The following WNT7A variants were observed in gnomAD, a reference collection of about 807,000 sequenced individuals.
WNT7A encodes Wnt family member 7A.
A neutral mutation model predicts 28.2 loss-of-function variants in WNT7A; 16 were observed. The observed-to-expected ratio is 0.57, with a 90% confidence interval of 0.38 to 0.86. WNT7A has a LOEUF of 0.86. Ranked by LOEUF, WNT7A falls within the 40% of genes least tolerant of loss-of-function variation. WNT7A has a pLI of 0.00. For synonymous variants in WNT7A, 190 were observed against 195.9 expected (o/e 0.97, Z 0.25); for missense variants, 411 against 489.7 (o/e 0.84, Z 1.52).
chr3:13,879,618 G>T, intron 1 of WNT7A, 128 bp downstream of exon 1: 3 of 1,048,012 alleles, frequency 2.9e-6, no homozygotes, highest in Non-Finnish European at 4.2e-6. Flanking sequence ...CTCCCACACC[G>T]CACCCACCCG....
chr3:13,847,912 G>A (rs1309919290), intron 3 of WNT7A, among the ~76,000 whole-genome samples: 1 of 152,192 alleles, frequency 6.6e-6, no homozygotes. Context: ...ACAACAGTGA[G>A]AGTGTGCTTG....
chr3:13,825,261 C>T (rs1409000748), intron 3 of WNT7A, among the ~76,000 whole-genome samples: 1 of 152,178 alleles, frequency 6.6e-6, no homozygotes, highest in East Asian at 1.9e-4. Flanking sequence ...AAGTCAGCTC[C>T]TCACAAAGCC....
At chr3:13,847,621 A>G (rs1217914422) in intron 3 of WNT7A, among the ~76,000 whole-genome samples, 1 of 152,240 alleles carries the variant, frequency 6.6e-6, no homozygotes, top group African/African-American at 2.4e-5. Context: ...ACGAAACCTG[A>G]CCTAAACTTA....
At chr3:13,854,989 C>T (rs1694706646) in intron 2 of WNT7A, among the ~76,000 whole-genome samples, 186 bp from the exon 3 acceptor site, 1 of 152,230 alleles carries the variant, frequency 6.6e-6, no homozygotes, top group Non-Finnish European at 1.5e-5. Flanking sequence ...TCCCATTACA[C>T]ACACATCCAT....
At chr3:13,860,341 G>A (rs1694809161) in intron 2 of WNT7A, among the ~76,000 whole-genome samples, 1 of 152,194 alleles carries the variant, frequency 6.6e-6, no homozygotes, top group Admixed American at 6.5e-5. Context: ...GCCCACCAGT[G>A]CATGGAAACC....
At chr3:13,859,850 C>T (rs370262168) in intron 2 of WNT7A, among the ~76,000 whole-genome samples, 2 of 152,200 alleles carry the variant, frequency 1.3e-5, no homozygotes, top group East Asian at 3.9e-4. Context: ...GAAGAGAATG[C>T]CCATCTATTC....
chr3:13,860,609 A>C (rs1694813198), intron 2 of WNT7A, among the ~76,000 whole-genome samples: 1 of 152,076 alleles, frequency 6.6e-6, no homozygotes, highest in Non-Finnish European at 1.5e-5. Context: ...AGATAGGGAA[A>C]CTGAGGCTTG....
intron 3 of WNT7A, among the ~76,000 whole-genome samples, chr3:13,829,992 T>C (rs1009439584): frequency 6.6e-6 from 1 of 152,182 alleles, no homozygotes; most frequent in Admixed American, 6.5e-5. Context: ...ATGTCTGTGC[T>C]GCTGCTGCCT....
In WNT7A at chr3:13,818,363, A is replaced by G. The variant is rs1345073104; in HGVS notation, c.*581T>C. 1 of 150,670 alleles carries G rather than the reference A, an allele frequency of 6.6e-6. No homozygotes were observed. The highest frequency in any genetic ancestry group is 1.5e-5 in the Non-Finnish European group (1 of 67,648). The allele number at this position is 150,670 out of a possible 1,614,324, so 9.3% of individuals were successfully genotyped here. ...TAGCAGCAAACAGCAAAAAAAAAAA[A>G]AAAAATGTGTGTGTGTATATCTATA... On this transcript the variant is annotated 3_prime_UTR_variant, in exon 4 of 4. Transcript: ENST00000285018.
intron 3 of WNT7A, among the ~76,000 whole-genome samples, chr3:13,852,200 C>T (rs1241671193): frequency 6.6e-6 from 1 of 152,184 alleles, no homozygotes; most frequent in Non-Finnish European, 1.5e-5. Flanking sequence ...CATGGTGCAC[C>T]CCCCCACCCC....
intron 3 of WNT7A, among the ~76,000 whole-genome samples, chr3:13,851,079 TCTC>T (rs1694629942): frequency 6.6e-6 from 1 of 151,948 alleles, no homozygotes; most frequent in African/African-American, 2.4e-5. Flanking sequence ...ACCTGACACA[TCTC>T]CTACCTATTA....
intron 1 of WNT7A, among the ~76,000 whole-genome samples, chr3:13,878,126 C>T (rs558658284): frequency 2.0e-5 from 3 of 152,302 alleles, no homozygotes; most frequent in African/African-American, 7.2e-5. Context: ...GACTCCCTCC[C>T]TCCCTCCCTG....
intron 3 of WNT7A, among the ~76,000 whole-genome samples, chr3:13,840,314 C>CAT (rs1694435584): frequency 2.0e-5 from 3 of 152,126 alleles, no homozygotes; most frequent in Non-Finnish European, 4.4e-5. Context: ...CAACAGATTC[C>CAT]ATATATATAT....
chr3:13,858,850 T>G (rs974786173), intron 2 of WNT7A, among the ~76,000 whole-genome samples: 2 of 152,234 alleles, frequency 1.3e-5, no homozygotes. Flanking sequence ...CCTGCCCACA[T>G]TAGACTGGGA....
chr3:13,858,262 C>T (rs1422864830), intron 2 of WNT7A, among the ~76,000 whole-genome samples: 2 of 152,174 alleles, frequency 1.3e-5, no homozygotes, highest in South Asian at 2.1e-4. Flanking sequence ...ATGGAGTTTG[C>T]GAATCAAGGC....
At chr3:13,833,958 C>T (rs1575062244) in intron 3 of WNT7A, among the ~76,000 whole-genome samples, 2 of 152,158 alleles carry the variant, frequency 1.3e-5, no homozygotes, top group East Asian at 3.9e-4. Context: ...CCCCTGACTC[C>T]CTTGAAGCTT....
chr3:13,829,438 G>C (rs551171918), intron 3 of WNT7A, among the ~76,000 whole-genome samples: 1 of 152,334 alleles, frequency 6.6e-6, no homozygotes, highest in African/African-American at 2.4e-5. Context: ...TTGCGGCCTG[G>C]CACCAGGTAT....
chr3:13,855,294 A>G (rs1307815150), intron 2 of WNT7A, among the ~76,000 whole-genome samples: 1 of 151,876 alleles, frequency 6.6e-6, no homozygotes, highest in Non-Finnish European at 1.5e-5. Context: ...GCCAAGGACT[A>G]CTCCTCCCTG....
intron 2 of WNT7A, among the ~76,000 whole-genome samples, chr3:13,864,348 C>T (rs1233156625): frequency 6.6e-6 from 1 of 152,170 alleles, no homozygotes; most frequent in Admixed American, 6.5e-5. Flanking sequence ...CTTCTACCCT[C>T]CCTACGCTAC....
Sources: gnomAD v4.1 joint callset for allele counts (sites outside exome capture counted in the v4.1 genomes callset) on GRCh38, gnomAD v4.1.1 for gene constraint, MANE v1.5 for transcripts, NCBI Gene and HGNC (gene_info 2026-07-23, HGNC 2026-07-21) for gene names.